The following PRKCQ variants were observed in gnomAD, a reference collection of about 807,000 sequenced individuals.
The protein encoded by PRKCQ is protein kinase C theta.
A neutral mutation model predicts 91.2 loss-of-function variants in PRKCQ; 41 were observed. The ratio of observed to expected loss-of-function variants is 0.45; its 90% CI spans 0.35 to 0.58. The LOEUF (loss-of-function observed/expected upper bound fraction) is 0.58, where lower values mean the gene tolerates loss of function less well. PRKCQ is among the 20% of genes least tolerant of loss of function. The pLI is 0.00. For missense variants in PRKCQ, 673 were observed against 896.5 expected, an observed-to-expected ratio of 0.75 and a Z score of 3.18; for synonymous variants, 307 against 316.9, an observed-to-expected ratio of 0.97 and a Z score of 0.33.
chr10:6,408,283 T>A, the PRKCQ span, among the ~76,000 whole-genome samples: 1 of 152,170 alleles, frequency 6.6e-6, no homozygotes, highest in Non-Finnish European at 1.5e-5. Flanking sequence ...CTGTATTTCT[T>A]ACAAATTAGT....
intron 1 of PRKCQ, among the ~76,000 whole-genome samples, chr10:6,566,966 A>G (rs1273681625): frequency 6.6e-6 from 1 of 152,190 alleles, no homozygotes; most frequent in Non-Finnish European, 1.5e-5. Flanking sequence ...ACTGGAGGGA[A>G]ATAAAATATA....
intron 8 of PRKCQ, chr10:6,489,422 G>A (rs765152687): frequency 1.9e-6 from 1 of 532,036 alleles, no homozygotes; most frequent in Non-Finnish European, 3.9e-6. Flanking sequence ...TCAGTTTCTT[G>A]GAGGGCAAAG....
At chr10:6,452,164 T>C (rs1834727198) in intron 15 of PRKCQ, among the ~76,000 whole-genome samples, 1 of 152,204 alleles carries the variant, frequency 6.6e-6, no homozygotes. Context: ...CATGATTGTA[T>C]ATCTAGAAAA....
chr10:6,404,941 T>TC, the PRKCQ span, among the ~76,000 whole-genome samples: 1 of 59,134 alleles, frequency 1.7e-5, no homozygotes, highest in South Asian at 8.3e-4. Context: ...TCCCTTCCCT[T>TC]CCTTCCTTCC....
At chr10:6,491,549 A>G in intron 8 of PRKCQ, 134 bp downstream of exon 8, 1 of 1,235,202 alleles carries the variant, frequency 8.1e-7, no homozygotes, top group Non-Finnish European at 1.1e-6. Flanking sequence ...AGAAGACCAT[A>G]CTTATGATCA....
chr10:6,451,645 T>C (rs1834685826), intron 15 of PRKCQ, among the ~76,000 whole-genome samples: 2 of 152,106 alleles, frequency 1.3e-5, no homozygotes, highest in Admixed American at 6.5e-5. Flanking sequence ...TTTAGACCAA[T>C]ATCCTTGATG....
rs1837319269 is a variant in PRKCQ, at chr10:6,491,781, G to A, written c.692C>T (p.Pro231Leu). Reference sequence around the variant, plus strand: ...GTAATTGTAGACTTTAAATCTGTGTGGCATGTCAATTTTGAATCTCTCCTT... The same window carrying A: ...GTAATTGTAGACTTTAAATCTGTGTAGCATGTCAATTTTGAATCTCTCCTT... ...FHKERFKIDM[P>L]HRFKVYNYKS... The change falls in exon 8 of 18, where the codon CCA becomes CTA. Residue 231 changes from proline (P) to leucine (L), a missense_variant. Transcript: ENST00000263125. The A allele has an allele frequency of 6.2e-7, 1 of 1,614,036 alleles. No individual in the cohort carries two copies. The highest frequency in any genetic ancestry group is 1.7e-5 in the Admixed American group (1 of 59,996).
the PRKCQ span, among the ~76,000 whole-genome samples, chr10:6,401,142 C>T: frequency 1.3e-5 from 2 of 152,152 alleles, no homozygotes; most frequent in Admixed American, 1.3e-4. Context: ...TACTCTTGTC[C>T]TCACAGAACA....
chr10:6,515,611 G>A, intron 1 of PRKCQ: 3 of 751,564 alleles, frequency 4.0e-6, no homozygotes, highest in Non-Finnish European at 4.9e-6. Context: ...ATTTATGTGT[G>A]TAATGGGATT....
At chr10:6,443,085 T>A (rs1022893776) in intron 15 of PRKCQ, among the ~76,000 whole-genome samples, 4 of 152,218 alleles carry the variant, frequency 2.6e-5, no homozygotes, top group African/African-American at 4.8e-5. Flanking sequence ...TCTGGAAGCC[T>A]ACCTAACATT....
chr10:6,412,194 T>C, the PRKCQ span, among the ~76,000 whole-genome samples: 2 of 152,186 alleles, frequency 1.3e-5, no homozygotes, highest in African/African-American at 4.8e-5. Context: ...TACAGGCATA[T>C]GCCATCATGC....
intron 3 of PRKCQ, 27 bp from the exon 4 acceptor site, chr10:6,507,523 A>G (rs1838259061): frequency 6.2e-7 from 1 of 1,600,580 alleles, no homozygotes; most frequent in Non-Finnish European, 8.6e-7. Flanking sequence ...GAGAAACATC[A>G]GTCAGAATGT....
chr10:6,410,149 T>C, the PRKCQ span, among the ~76,000 whole-genome samples: 3 of 152,224 alleles, frequency 2.0e-5, no homozygotes, highest in African/African-American at 4.8e-5. Flanking sequence ...CAAGAAATCC[T>C]AGGCTTCCTT....
chr10:6,425,547 T>C (rs1159916538), downstream of PRKCQ, among the ~76,000 whole-genome samples: 1 of 152,062 alleles, frequency 6.6e-6, no homozygotes, highest in East Asian at 1.9e-4. Flanking sequence ...TAAATAGGGA[T>C]ATTAATAAGC....
Position 6,427,910 on chromosome 10 carries a change from C to T in PRKCQ, c.*297G>A, listed in dbSNP as rs1588637303. ...GCCATAATTTATTGCAGTATCAAGT[C>T]TTGAAACCTTTCCAAGTGCGGAGAC... On this transcript the variant is annotated 3_prime_UTR_variant, in exon 18 of 18. Coordinates refer to ENST00000263125, the MANE Select transcript of PRKCQ (RefSeq NM_006257.5). The T allele has an allele frequency of 8.6e-6, 3 of 349,912 alleles. No individual in the cohort carries two copies. The East Asian group carries it at 2.2e-4, about 26-fold the overall frequency. The allele number at this position is 349,912 out of a possible 1,614,324, so 21.7% of individuals were successfully genotyped here. A position where few individuals can be genotyped will look rare whatever the true frequency, so the allele number is the denominator to read the frequency against.
chr10:6,419,873 G>A, the PRKCQ span, among the ~76,000 whole-genome samples: 3 of 152,060 alleles, frequency 2.0e-5, no homozygotes, highest in African/African-American at 7.3e-5. Context: ...ATTTTTAGTA[G>A]AGACGGGGTT....
Position 6,540,712 on chromosome 10 carries a change from T to C in PRKCQ, c.-9-25568A>G, listed in dbSNP as rs11259449. Among the ~76,000 whole-genome samples, 1,046 of 152,258 alleles carry C rather than the reference T, an allele frequency of 6.9e-3. 15 individuals are homozygous for C. Among genetic ancestry groups the C allele is most frequent in the African/African-American group, 0.024 (989 of 41,542 alleles). On this transcript the variant is annotated intron_variant, in intron 1 of 17. Coordinates refer to ENST00000263125, the MANE Select transcript of PRKCQ (RefSeq NM_006257.5). ...TGCCACGGAGTTTAGTGTACAAGTA[T>C]CTCAGTCCTCATTTTCAACTATTTT... is the stretch of plus-strand genomic sequence containing the variant.
chr10:6,564,152 G>A (rs927309380), intron 1 of PRKCQ, among the ~76,000 whole-genome samples: 2 of 152,098 alleles, frequency 1.3e-5, no homozygotes, highest in East Asian at 3.9e-4. Flanking sequence ...GCAAAGATTC[G>A]GGATTCTATT....
the PRKCQ span, among the ~76,000 whole-genome samples, chr10:6,415,436 AT>A: frequency 1.6e-5 from 2 of 129,018 alleles, no homozygotes; most frequent in African/African-American, 6.6e-5. Context: ...ATATATATAT[AT>A]ATATATATAT....
Sources: gnomAD v4.1 joint callset for allele counts (sites outside exome capture counted in the v4.1 genomes callset) on GRCh38, gnomAD v4.1.1 for gene constraint, MANE v1.5 for transcripts, NCBI Gene and HGNC (gene_info 2026-07-23, HGNC 2026-07-21) for gene names.